The following NUP188 variants were observed in gnomAD, a reference collection of about 807,000 sequenced individuals.
NUP188 encodes nucleoporin NUP188.
NUP188 carries 97 observed loss-of-function variants against 223.0 expected under a neutral mutation model. That is an observed-to-expected ratio of 0.43 (90% CI 0.37 to 0.51). NUP188 has a LOEUF of 0.51. Ranked by LOEUF, NUP188 falls within the 20% of genes least tolerant of loss-of-function variation. The pLI is 0.00. For synonymous variants in NUP188, 869 were observed against 828.0 expected (o/e 1.05, Z -0.85); for missense variants, 1,947 against 2,175.6 (o/e 0.89, Z 2.09).
intron 8 of NUP188, among the ~76,000 whole-genome samples, chr9:128,966,168 T>TGTGC (rs1316335087): frequency 3.1e-5 from 4 of 128,740 alleles, no homozygotes; most frequent in African/African-American, 8.7e-5. Flanking sequence ...TGTGTGTGTG[T>TGTGC]GCGTGTGCCC....
intron 5 of NUP188, 49 bp from the exon 6 acceptor site, chr9:128,957,961 G>A (rs1250694764): frequency 7.0e-7 from 1 of 1,422,658 alleles, no homozygotes; most frequent in Non-Finnish European, 9.7e-7. Context: ...TTTATTACTT[G>A]AGTTTTGCCT....
rs1319531334 is a variant in NUP188, at chr9:129,005,342, C to T, written c.4549C>T (p.Arg1517Ter). ...TGGCCTCCCCTCAGCTGTTGCCCAG[C>T]GAGTCCAGAGGCCACCGTCTGCTGC... ...GDGLPSAVAQ[R>*]VQRPPSAASA... The change falls in exon 40 of 44, where the codon CGA (arginine) becomes TGA (stop). Residue 1517 changes from arginine to a stop codon, truncating the protein, a stop_gained. Transcript: ENST00000372577. LOFTEE classifies it high-confidence loss of function. 5 of 1,613,942 alleles carry T rather than the reference C, an allele frequency of 3.1e-6. No individual in the cohort carries two copies. Among genetic ancestry groups the T allele is most frequent in the Middle Eastern group, 1.6e-4 (1 of 6,084 alleles).
In NUP188 at chr9:128,990,925, A is replaced by G. The variant is rs368352125; in HGVS notation, c.2640+699A>G. The stretch of plus-strand genomic sequence containing the variant: ...TCCCAGCTACTTGGGAGCCTGAGGC[A>G]GAGAGTTGCTTGAACCCGGGAGGCA... On this transcript the variant is annotated intron_variant, in intron 25 of 43. Transcript: ENST00000372577. 3.6e-4 allele frequency among the ~76,000 whole-genome samples: 55 copies of G among 152,024 alleles called. No homozygotes were observed. The East Asian group carries it at 8.9e-3, about 25-fold the overall frequency.
intron 41 of NUP188, 86 bp from the exon 42 acceptor site, chr9:129,005,964 C>G: frequency 1.3e-6 from 2 of 1,482,284 alleles, no homozygotes; most frequent in Non-Finnish European, 1.9e-6. Context: ...ATTAAATTTG[C>G]TTAGTGCAGG....
At chr9:128,962,653 C>T (rs1841972032) in intron 8 of NUP188, among the ~76,000 whole-genome samples, 1 of 151,982 alleles carries the variant, frequency 6.6e-6, no homozygotes, top group Non-Finnish European at 1.5e-5. Flanking sequence ...GAGCGAGACT[C>T]TGTCTCAAAA....
rs1842094976 is a variant in NUP188, at chr9:128,970,820, C to T, written c.975C>T (p.Ala325=). The change falls in exon 11 of 44, where the codon GCC becomes GCT. Residue 325 remains alanine (A), a synonymous_variant. Transcript: ENST00000372577. ...DIPHHAPVLL[A]WALLRHTLNP... is the part of the protein sequence containing the mutation. ...CACATCATGCCCCAGTGCTTTTGGC[C>T]TGGGCTCTCCTCCGTCACACTCTGA... is the stretch of plus-strand genomic sequence containing the variant. 1 of 1,614,168 alleles carries T rather than the reference C, an allele frequency of 6.2e-7. No individual in the cohort carries two copies. Among genetic ancestry groups the T allele is most frequent in the Non-Finnish European group, 8.5e-7 (1 of 1,180,034 alleles).
At chr9:128,982,753 T>G (rs753301203) in intron 16 of NUP188, 52 bp downstream of exon 16, 1 of 1,601,478 alleles carries the variant, frequency 6.2e-7, no homozygotes, top group Non-Finnish European at 8.5e-7. Flanking sequence ...GTGGATATGC[T>G]TGGAGGATTT....
chr9:128,974,144 G>A (rs1409526326), intron 12 of NUP188, among the ~76,000 whole-genome samples: 8 of 151,864 alleles, frequency 5.3e-5, no homozygotes, highest in Middle Eastern at 3.2e-3. Context: ...TCCTGACCTC[G>A]TGATCCACCT....
chr9:128,999,091 G>A, intron 32 of NUP188, 81 bp from the exon 33 acceptor site: 2 of 1,147,542 alleles, frequency 1.7e-6, no homozygotes, highest in South Asian at 1.3e-5. Context: ...GACCTCAGGT[G>A]ATCCACCCGC....
At chr9:128,961,351 A>T (rs1841948222) in intron 8 of NUP188, among the ~76,000 whole-genome samples, 1 of 147,854 alleles carries the variant, frequency 6.8e-6, no homozygotes, top group African/African-American at 2.5e-5. Flanking sequence ...AATAAAAATA[A>T]AAATATAAAA....
chr9:128,960,864 C>A (rs185936518), intron 8 of NUP188, among the ~76,000 whole-genome samples: 2 of 151,984 alleles, frequency 1.3e-5, no homozygotes, highest in African/African-American at 4.8e-5. Flanking sequence ...GTGGGCGGAT[C>A]GCTTGAGGTC....
In NUP188 at chr9:128,993,537, G is replaced by A. The variant is rs1403768212; in HGVS notation, c.2860G>A (p.Gly954Arg). 8.1e-6 allele frequency: 13 copies of A among 1,614,122 alleles called. No individual in the cohort carries two copies. In the East Asian group the frequency reaches 2.9e-4, roughly 36 times the overall value. The change falls in exon 27 of 44, where the codon GGG becomes AGG. Residue 954 changes from glycine (G) to arginine (R), a missense_variant. By Grantham distance (125) the Gly-to-Arg change is moderately radical (BLOSUM62 -2). Transcript: ENST00000372577. Reference protein sequence around the residue: ...GSDGSKEFSLGMWSCLHAVLE... With the variant: ...GSDGSKEFSLRMWSCLHAVLE... The stretch of plus-strand genomic sequence containing the variant: ...TCCCTTCTTGCAGGAATTCAGCCTT[G>A]GGATGTGGAGCTGTCTCCATGCAGT...
At chr9:128,992,375 A>G (rs1313009739) in intron 25 of NUP188, among the ~76,000 whole-genome samples, 1 of 151,860 alleles carries the variant, frequency 6.6e-6, no homozygotes, top group Non-Finnish European at 1.5e-5. Context: ...TTGTATTTTT[A>G]GTAGGGACGA....
chr9:129,002,459 T>G (rs1842688222), intron 36 of NUP188, among the ~76,000 whole-genome samples: 1 of 152,144 alleles, frequency 6.6e-6, no homozygotes, highest in Non-Finnish European at 1.5e-5. Context: ...TTCAAAAGAG[T>G]AGTCTTCACC....
chr9:128,961,127 C>G (rs1841944167), intron 8 of NUP188, among the ~76,000 whole-genome samples: 1 of 148,040 alleles, frequency 6.8e-6, no homozygotes, highest in Non-Finnish European at 1.5e-5. Context: ...AAATGCAAGT[C>G]TGGCCAATAT....
chr9:129,006,431 C>T (rs946567646), intron 43 of NUP188, 63 bp downstream of exon 43: 1 of 1,612,466 alleles, frequency 6.2e-7, no homozygotes, highest in Non-Finnish European at 8.5e-7. Context: ...GGGGTCCTGC[C>T]TGGCAACCCC....
Position 128,987,727 on chromosome 9 carries a change from C to T in NUP188, c.2393+10C>T. 6.2e-7 allele frequency: 1 copy of T among 1,610,930 alleles called. No homozygotes were observed. The highest frequency in any genetic ancestry group is 2.2e-5 in the East Asian group (1 of 44,860). On this transcript the variant is annotated intron_variant, in intron 23 of 43. Coordinates refer to ENST00000372577, the MANE Select transcript of NUP188 (RefSeq NM_015354.3). ...CTGCTCAGCCTCGAAGGTAGGGCTCCTTCTCCACGTTCCCTTTGTCTGTCT... is the reference window on the plus strand; with the variant it reads ...CTGCTCAGCCTCGAAGGTAGGGCTCTTTCTCCACGTTCCCTTTGTCTGTCT...
At position 129,003,065 on chromosome 9, in the gene NUP188, C is replaced by T. The variant is rs1321892300; in HGVS notation, c.4296+90C>T. ...GGGGCAGGTGGGTGTGGAGCCTGGG[C>T]CTCAGTAGCGGAGGGTTGTCGATGC... On this transcript the variant is annotated intron_variant, in intron 37 of 43. Coordinates refer to ENST00000372577, the MANE Select transcript of NUP188 (RefSeq NM_015354.3). 2.1e-6 allele frequency: 3 copies of T among 1,438,154 alleles called. No individual in the cohort carries two copies. In the East Asian group the frequency reaches 6.9e-5, roughly 33 times the overall value. 89.1% of individuals were successfully genotyped at this position (1,438,154 alleles called of 1,614,324 possible). A position where few individuals can be genotyped will look rare whatever the true frequency, so the allele number is the denominator to read the frequency against.
chr9:129,001,688 G>A lies in NUP188; in HGVS notation c.4003G>A (p.Ala1335Thr). 1.2e-6 allele frequency: 2 copies of A among 1,613,958 alleles called. No individual in the cohort carries two copies. Among genetic ancestry groups the A allele is most frequent in the Non-Finnish European group, 8.5e-7 (1 of 1,179,982 alleles). ...RMKQNLHFTE[A>T]TLHLLLTLAR... is the part of the protein sequence containing the mutation. ...GAAGCAGAACCTGCATTTCACTGAG[G>A]CCACATTGCATCTGCTCCTCACCCT... is the stretch of plus-strand genomic sequence containing the variant. The change falls in exon 35 of 44, where the codon GCC becomes ACC. Residue 1335 changes from alanine to threonine, a missense_variant. By Grantham distance (58) the Ala-to-Thr change is moderately conservative. This residue lies in a region of NUP188 where 905 missense variants were observed against 990.6 expected (regional missense o/e 0.91). Coordinates refer to ENST00000372577, the MANE Select transcript of NUP188 (RefSeq NM_015354.3).
Sources: allele counts gnomAD v4.1 joint callset (sites outside exome capture counted in the v4.1 genomes callset), GRCh38; gene constraint gnomAD v4.1.1; regional missense constraint gnomAD v4.1.1; transcripts MANE v1.5; gene names NCBI Gene and HGNC (gene_info 2026-07-23, HGNC 2026-07-21).